The following CPVL variants were observed in gnomAD, a reference collection of about 807,000 sequenced individuals.
CPVL encodes carboxypeptidase vitellogenic like.
Under a neutral mutation model 63.7 loss-of-function variants are expected in CPVL, and 51 were observed. The ratio of observed to expected loss-of-function variants is 0.80; its 90% CI spans 0.64 to 1.01. The LOEUF is 1.01. Ranked by LOEUF, CPVL falls within the 50% of genes least tolerant of loss-of-function variation. The pLI is 0.00. For missense variants in CPVL, 530 were observed against 573.1 expected (o/e 0.92, Z 0.77); for synonymous variants, 195 against 206.0 (o/e 0.95, Z 0.46).
chr7:29,082,154 T>C (rs749115222), intron 7 of CPVL, among the ~76,000 whole-genome samples: 32 of 152,222 alleles, frequency 2.1e-4, no homozygotes, highest in South Asian at 1.9e-3. Context: ...AGAACAATTT[T>C]TTTTTGTGTG....
At chr7:29,160,280 G>A (rs1158788113) in intron 5 of CPVL, among the ~76,000 whole-genome samples, 2 of 152,132 alleles carry the variant, frequency 1.3e-5, no homozygotes, top group African/African-American at 4.8e-5. Context: ...AGTACATTCT[G>A]GAACCTATTA....
intron 1 of CPVL, chr7:29,191,905 T>C (rs1782937378): frequency 6.6e-6 from 1 of 152,258 alleles, no homozygotes; most frequent in Admixed American, 6.5e-5. Context: ...CATGTCCTGA[T>C]AACTTACTGA....
At chr7:29,080,276 G>T (rs1266980951) in intron 7 of CPVL, 5 of 152,046 alleles carry the variant, frequency 3.3e-5, no homozygotes, top group Non-Finnish European at 7.4e-5. Context: ...AAAAAAGAAA[G>T]GGGCTGGGCG....
intron 1 of CPVL, among the ~76,000 whole-genome samples, chr7:29,188,438 T>C (rs16874871): frequency 0.034 from 5,157 of 152,300 alleles, 309 homozygotes; most frequent in East Asian, 0.19. Context: ...GGAATATTTG[T>C]AAAAGGCCAA....
intron 3 of CPVL, chr7:29,096,440 T>C (rs1323359784): frequency 1.8e-6 from 1 of 556,474 alleles, no homozygotes; most frequent in Non-Finnish European, 3.2e-6. Context: ...CTTCTTATCA[T>C]GCAGTCAAGT....
Position 29,092,693 on chromosome 7 carries a change from C to T in CPVL, c.472G>A (p.Gly158Ser). ...TGGGTATCATCAGTAAAACTGAAGCCTGTGCCCACCTGCAGGAGAAATAAA... is the reference window on the plus strand; with the variant it reads ...TGGGTATCATCAGTAAAACTGAAGCTTGTGCCCACCTGCAGGAGAAATAAA... The part of the protein sequence containing the change: ...MLYIDNPVGT[G>S]FSFTDDTHGY... Residue 158 changes from glycine (G) to serine (S), a missense_variant, in exon 6 of 13, where the codon GGC becomes AGC. Physicochemically the swap from Gly to Ser is moderately conservative, Grantham distance 56 (BLOSUM62 0). Transcript: ENST00000265394. The T allele has an allele frequency of 1.2e-6, 2 of 1,612,156 alleles. No individual in the cohort carries two copies. Among genetic ancestry groups the T allele is most frequent in the Non-Finnish European group, 1.7e-6 (2 of 1,178,234 alleles).
chr7:29,147,915 A>G (rs2128684900), upstream of CPVL, among the ~76,000 whole-genome samples: 1 of 152,374 alleles, frequency 6.6e-6, no homozygotes, highest in East Asian at 1.9e-4. Context: ...ACTTTGGATG[A>G]TCTGCACTTA....
intron 1 of CPVL, chr7:29,194,860 G>C: frequency 1.6e-6 from 2 of 1,279,002 alleles, no homozygotes; most frequent in Non-Finnish European, 2.0e-6. Flanking sequence ...GGGCCGCGGA[G>C]GCTGCGAGCG....
intron 11 of CPVL, among the ~76,000 whole-genome samples, chr7:29,048,187 C>T (rs1789801481): frequency 6.6e-6 from 1 of 152,088 alleles, no homozygotes; most frequent in Non-Finnish European, 1.5e-5. Context: ...CAACAAATAG[C>T]ACGATGAATG....
At chr7:29,019,186 A>G (rs149838664) in intron 12 of CPVL, among the ~76,000 whole-genome samples, 30 of 152,210 alleles carry the variant, frequency 2.0e-4, no homozygotes, top group African/African-American at 5.8e-4. Context: ...GATATTTTGG[A>G]TCTTTGTTAG....
At chr7:29,112,605 A>AT (rs1002263487) in intron 3 of CPVL, 99 bp downstream of exon 3, 222 of 722,654 alleles carry the variant, frequency 3.1e-4, no homozygotes, top group Middle Eastern at 8.7e-4. Flanking sequence ...AATCTATGAG[A>AT]TTTTTTTTTA....
At position 29,064,121 on chromosome 7, in the gene CPVL, C is replaced by G; in HGVS notation, c.1077G>C (p.Leu359Phe). Reference protein sequence around the residue: ...FNDGTIVEKYLREDTVQSVKP... With the variant: ...FNDGTIVEKYFREDTVQSVKP... The stretch of plus-strand genomic sequence containing the variant: ...TAACTGACTGTACTGTATCTTCTCG[C>G]AAGTACTTTTCAACTATAGTTCCAT... The change falls in exon 11 of 13, where the codon TTG becomes TTC. Residue 359 changes from leucine (L) to phenylalanine (F), a missense_variant. Coordinates refer to ENST00000265394, the MANE Select transcript of CPVL (RefSeq NM_031311.5). 2 of 1,613,290 alleles carry G rather than the reference C, an allele frequency of 1.2e-6. No individual in the cohort carries two copies. The highest frequency in any genetic ancestry group is 1.7e-4 in the Middle Eastern group (1 of 6,060).
At chr7:29,111,978 C>T (rs1788279665) in intron 3 of CPVL, among the ~76,000 whole-genome samples, 1 of 152,236 alleles carries the variant, frequency 6.6e-6, no homozygotes, top group Non-Finnish European at 1.5e-5. Context: ...GCAATACCCG[C>T]AACAGCACCT....
At chr7:29,190,589 T>C (rs761197713) in intron 1 of CPVL, among the ~76,000 whole-genome samples, 4 of 152,158 alleles carry the variant, frequency 2.6e-5, no homozygotes, top group South Asian at 2.1e-4. Context: ...TAACAGCCGG[T>C]GAAGGAGGGT....
At chr7:29,024,783 G>C (rs1787328553) in intron 12 of CPVL, among the ~76,000 whole-genome samples, 1 of 152,124 alleles carries the variant, frequency 6.6e-6, no homozygotes. Context: ...GTCTTTCCCA[G>C]ACAAGCAAAA....
chr7:29,084,629 G>T (rs1293527922), intron 7 of CPVL, among the ~76,000 whole-genome samples: 1 of 152,028 alleles, frequency 6.6e-6, no homozygotes, highest in Non-Finnish European at 1.5e-5. Context: ...CAAATGATTG[G>T]CTGGTACACA....
At chr7:29,028,401 CAG>C (rs1787697170) in intron 12 of CPVL, among the ~76,000 whole-genome samples, 1 of 152,020 alleles carries the variant, frequency 6.6e-6, no homozygotes, top group Admixed American at 6.6e-5. Flanking sequence ...TAGAAGAAAA[CAG>C]GGGAAACACT....
chr7:29,032,709 T>C (rs1409208854), intron 11 of CPVL, among the ~76,000 whole-genome samples: 2 of 152,232 alleles, frequency 1.3e-5, no homozygotes, highest in African/African-American at 2.4e-5. Flanking sequence ...AAATTCATAG[T>C]GCATCCATTT....
At chr7:29,113,951 A>C (rs1788512248) in intron 2 of CPVL, among the ~76,000 whole-genome samples, 1 of 152,162 alleles carries the variant, frequency 6.6e-6, no homozygotes, top group Non-Finnish European at 1.5e-5. Flanking sequence ...AAGCGATGTA[A>C]GTCTGAGCCA....
Sources: gnomAD v4.1 joint callset for allele counts (sites outside exome capture counted in the v4.1 genomes callset) on GRCh38, gnomAD v4.1.1 for gene constraint, MANE v1.5 for transcripts, NCBI Gene and HGNC (gene_info 2026-07-23, HGNC 2026-07-21) for gene names.